SLC9C1: variants seen among roughly 807,000 people sequenced by gnomAD.
SLC9C1 encodes solute carrier family 9 member C1.
A neutral mutation model predicts 140.9 loss-of-function variants in SLC9C1; 97 were observed. The ratio of observed to expected loss-of-function variants is 0.69; its 90% CI spans 0.58 to 0.82. The LOEUF (loss-of-function observed/expected upper bound fraction) is 0.82, where lower values mean the gene tolerates loss of function less well. Ranked by LOEUF, SLC9C1 falls within the 40% of genes least tolerant of loss-of-function variation. SLC9C1 has a pLI of 0.00. For missense variants in SLC9C1, 1,340 were observed against 1,389.3 expected, an observed-to-expected ratio of 0.96 and a Z score of 0.56; for synonymous variants, 440 against 442.6, an observed-to-expected ratio of 0.99 and a Z score of 0.07.
chr3:112,187,972 G>C (rs1055128765), intron 20 of SLC9C1, among the ~76,000 whole-genome samples: 1 of 151,606 alleles, frequency 6.6e-6, no homozygotes, highest in Non-Finnish European at 1.5e-5. Context: ...TAAAATTCTT[G>C]TTTATTTACA....
chr3:112,185,835 T>G (rs576935861), intron 20 of SLC9C1: 1 of 1,584,928 alleles, frequency 6.3e-7, no homozygotes, highest in African/African-American at 1.3e-5. Context: ...CTCCTCCTCG[T>G]AAGCAGGGCC....
chr3:112,273,594 T>G (rs1290814638), intron 6 of SLC9C1, among the ~76,000 whole-genome samples: 1 of 152,084 alleles, frequency 6.6e-6, no homozygotes, highest in Non-Finnish European at 1.5e-5. Context: ...TCAGGATGAT[T>G]CTTCTTGGGA....
chr3:112,249,100 C>T (rs565155754), intron 10 of SLC9C1, among the ~76,000 whole-genome samples: 2 of 151,976 alleles, frequency 1.3e-5, no homozygotes, highest in East Asian at 1.9e-4. Context: ...ATAGAGGGCT[C>T]TTCTTATTTT....
At chr3:112,208,790 G>T (rs1322871344) in intron 15 of SLC9C1, among the ~76,000 whole-genome samples, 1 of 152,034 alleles carries the variant, frequency 6.6e-6, no homozygotes, top group Admixed American at 6.6e-5. Context: ...TTTATAAAAT[G>T]ATTATCCATA....
intron 23 of SLC9C1, among the ~76,000 whole-genome samples, chr3:112,174,752 G>A (rs2077305659): frequency 6.6e-6 from 1 of 152,178 alleles, no homozygotes; most frequent in Non-Finnish European, 1.5e-5. Flanking sequence ...TGCAACTGTA[G>A]TAGCAGAGGG....
At chr3:112,259,361 C>T (rs1459499720) in intron 10 of SLC9C1, among the ~76,000 whole-genome samples, 1 of 150,568 alleles carries the variant, frequency 6.6e-6, no homozygotes. Context: ...AGGCTTGGTA[C>T]CTGGGTGATA....
At chr3:112,225,075 C>T (rs1034851277) in intron 13 of SLC9C1, among the ~76,000 whole-genome samples, 6 of 152,094 alleles carry the variant, frequency 3.9e-5, no homozygotes, top group Non-Finnish European at 8.8e-5. Context: ...AAATTCTTCT[C>T]TGAGGCACAT....
chr3:112,231,559 A>G (rs1365470341), intron 12 of SLC9C1, 73 bp from the exon 13 acceptor site: 1 of 1,438,248 alleles, frequency 7.0e-7, no homozygotes, highest in East Asian at 2.5e-5. Flanking sequence ...TCCACAAGCA[A>G]TTTTTGTACC....
chr3:112,234,075 G>GA (rs2078911931), intron 12 of SLC9C1, among the ~76,000 whole-genome samples: 1 of 152,182 alleles, frequency 6.6e-6, no homozygotes, highest in South Asian at 2.1e-4. Flanking sequence ...CACAATGGTT[G>GA]AACTAGTTTA....
At chr3:112,150,864 G>T (rs1250651862) in intron 28 of SLC9C1, among the ~76,000 whole-genome samples, 2 of 130,558 alleles carry the variant, frequency 1.5e-5, no homozygotes, top group Non-Finnish European at 3.1e-5. Context: ...TTGAGATGAA[G>T]TCTCACTCTG....
intron 28 of SLC9C1, among the ~76,000 whole-genome samples, chr3:112,143,552 G>T (rs2074693749): frequency 1.3e-5 from 2 of 152,110 alleles, no homozygotes; most frequent in African/African-American, 4.8e-5. Context: ...AGAAGTGTCT[G>T]TCTATGTCTT....
intron 15 of SLC9C1, among the ~76,000 whole-genome samples, chr3:112,209,911 G>A (rs1390560346): frequency 6.6e-6 from 1 of 152,124 alleles, no homozygotes; most frequent in African/African-American, 2.4e-5. Flanking sequence ...GCTACCCAAA[G>A]CAATCTACAG....
intron 12 of SLC9C1, among the ~76,000 whole-genome samples, chr3:112,239,436 A>C (rs1375597656): frequency 6.6e-6 from 1 of 152,162 alleles, no homozygotes. Flanking sequence ...GGTTCAACTC[A>C]CACTGGGTGC....
rs575945400 is a variant in SLC9C1 at position 112,149,516 on chromosome 3, T to A, written c.3524+2341A>T. Among the ~76,000 whole-genome samples the A allele has an allele frequency of 2.6e-5, 4 of 152,084 alleles. No homozygotes were observed. In the South Asian group the frequency reaches 6.2e-4, roughly 24 times the overall value. On this transcript the variant is annotated intron_variant, in intron 28 of 28. Transcript: ENST00000305815. The stretch of plus-strand genomic sequence containing the variant: ...GCAGAAAGGATGGGGTGGCTCAGGC[T>A]CTTGAACCAGGCAAATGGGTGCCCC...
chr3:112,170,038 G>A (rs2077217549), intron 23 of SLC9C1, among the ~76,000 whole-genome samples: 1 of 151,996 alleles, frequency 6.6e-6, no homozygotes, highest in Admixed American at 6.6e-5. Context: ...CTATAAACAT[G>A]CTGGAAGGAA....
intron 20 of SLC9C1, among the ~76,000 whole-genome samples, chr3:112,186,523 A>C (rs937037935): frequency 1.3e-5 from 2 of 152,230 alleles, no homozygotes; most frequent in African/African-American, 4.8e-5. Context: ...AAAGTTATCA[A>C]TTCTCCCTAG....
chr3:112,245,424 GTTTTTC>G (rs1315530422), intron 10 of SLC9C1, among the ~76,000 whole-genome samples: 2 of 150,162 alleles, frequency 1.3e-5, no homozygotes, highest in Non-Finnish European at 3.0e-5. Context: ...TAAAAATAGA[GTTTTTC>G]TTTTTTTTTT....
chr3:112,267,596 AAG>A (rs1469747745), intron 7 of SLC9C1, among the ~76,000 whole-genome samples: 3 of 138,840 alleles, frequency 2.2e-5, no homozygotes, highest in Non-Finnish European at 3.1e-5. Flanking sequence ...AAAAAAAAAA[AAG>A]AGAGAGAGAG....
chr3:112,276,058 T>C (rs2080205681), intron 5 of SLC9C1, among the ~76,000 whole-genome samples: 1 of 152,054 alleles, frequency 6.6e-6, no homozygotes, highest in Non-Finnish European at 1.5e-5. Flanking sequence ...ACCAGCTGAT[T>C]ACAGATTCCT....
Sources: allele counts gnomAD v4.1 joint callset (sites outside exome capture counted in the v4.1 genomes callset), GRCh38; gene constraint gnomAD v4.1.1; transcripts MANE v1.5; gene names NCBI Gene and HGNC (gene_info 2026-07-23, HGNC 2026-07-21).